MICALL2: variants seen among roughly 807,000 people sequenced by gnomAD.
MICALL2 encodes MICAL-like protein 2.
Under a neutral mutation model 91.1 loss-of-function variants are expected in MICALL2, and 111 were observed. The observed-to-expected ratio is 1.22, with a 90% confidence interval of 1.04 to 1.43. The LOEUF (loss-of-function observed/expected upper bound fraction) is 1.43, where lower values mean the gene tolerates loss of function less well. MICALL2 is among the 40% of genes most tolerant of loss of function. The probability of loss-of-function intolerance (pLI) is 0.00; values close to 1 mark genes in which losing one functional copy is unlikely to be tolerated. For synonymous variants in MICALL2, 694 were observed against 525.3 expected (o/e 1.32, Z -4.39); for missense variants, 1,556 against 1,236.0 (o/e 1.26, Z -3.88).
intron 3 of MICALL2, 35 bp downstream of exon 3, chr7:1,448,585 T>A (rs771866444): frequency 1.2e-6 from 2 of 1,610,764 alleles, no homozygotes; most frequent in Non-Finnish European, 1.7e-6. Context: ...GGGGGCCTGG[T>A]CCTGCCTGGC....
chr7:1,435,230 G>T lies in MICALL2; in HGVS notation c.2592-83C>A, dbSNP rs544079287. On this transcript the variant is annotated intron_variant, in intron 15 of 16. Transcript: ENST00000297508. Reference sequence around the variant, plus strand: ...GGCCTCCGGACAGTCTCCAGCAGTGGCACCCCAGCCCTGAGTCCCGCCTGG... The same window carrying T: ...GGCCTCCGGACAGTCTCCAGCAGTGTCACCCCAGCCCTGAGTCCCGCCTGG... 2.3e-5 allele frequency: 33 copies of T among 1,449,962 alleles called. No homozygotes were observed. The African/African-American group carries it at 4.2e-4, about 18-fold the overall frequency. The allele number at this position is 1,449,962 out of a possible 1,614,324, so 89.8% of individuals were successfully genotyped here. A position where few individuals can be genotyped will look rare whatever the true frequency, so the allele number is the denominator to read the frequency against.
At chr7:1,443,774 G>A (rs569152005) in intron 6 of MICALL2, among the ~76,000 whole-genome samples, 52 of 152,304 alleles carry the variant, frequency 3.4e-4, no homozygotes, top group African/African-American at 9.9e-4. Context: ...AAGGGGACGC[G>A]GCCCTTCCCC....
chr7:1,445,100 C>CAA lies in MICALL2; in HGVS notation c.969_970insTT (p.Glu324LeufsTer18). On this transcript the variant is annotated frameshift_variant, in exon 6 of 17. Coordinates refer to ENST00000297508, the MANE Select transcript of MICALL2 (RefSeq NM_182924.4). LOFTEE classifies it high-confidence loss of function. ...GTGGGAGTGGGGGCCAGGCGGCTCT[C>CAA]AGAGGGCCTGGCTGGGCTCCTCACG... is the stretch of plus-strand genomic sequence containing the variant. 6.4e-7 allele frequency: 1 copy of CAA among 1,553,652 alleles called. No homozygotes were observed. Among genetic ancestry groups the CAA allele is most frequent in the Non-Finnish European group, 8.7e-7 (1 of 1,149,414 alleles).
At chr7:1,455,210 G>A (rs1022823860) in intron 1 of MICALL2, among the ~76,000 whole-genome samples, 3 of 152,160 alleles carry the variant, frequency 2.0e-5, no homozygotes, top group African/African-American at 7.2e-5. Context: ...GACCTGCTTG[G>A]GCCCAGGAAT....
intron 1 of MICALL2, among the ~76,000 whole-genome samples, chr7:1,450,877 CCTT>C (rs1167855873): frequency 6.6e-6 from 1 of 152,326 alleles, no homozygotes; most frequent in South Asian, 2.1e-4. Flanking sequence ...TGAAGGGTGT[CCTT>C]CTCAGCGCTT....
intron 10 of MICALL2, 45 bp from the exon 11 acceptor site, chr7:1,438,398 C>T (rs772597226): frequency 2.6e-6 from 4 of 1,566,206 alleles, no homozygotes; most frequent in East Asian, 4.7e-5. Context: ...GGCCACCAGG[C>T]CCAACGTGAC....
At chr7:1,434,743 C>G (rs1779882714) in intron 16 of MICALL2, 71 bp from the exon 17 acceptor site, 1 of 1,435,768 alleles carries the variant, frequency 7.0e-7, no homozygotes, top group African/African-American at 1.4e-5. Context: ...CACAAGTCCC[C>G]CTGCCAGAAA....
intron 13 of MICALL2, 78 bp from the exon 14 acceptor site, chr7:1,437,686 C>G: frequency 6.9e-7 from 1 of 1,438,864 alleles, no homozygotes. Context: ...GCAACGAGGT[C>G]CTGGACCTGC....
chr7:1,449,772 T>C (rs1780753626), intron 2 of MICALL2, among the ~76,000 whole-genome samples: 1 of 152,196 alleles, frequency 6.6e-6, no homozygotes, highest in Non-Finnish European at 1.5e-5. Flanking sequence ...GCAGGCAAAC[T>C]GAGGCTGCAC....
At chr7:1,435,908 C>T (rs1187278258) in intron 15 of MICALL2, among the ~76,000 whole-genome samples, 4 of 151,460 alleles carry the variant, frequency 2.6e-5, no homozygotes, top group South Asian at 2.1e-4. Flanking sequence ...AAAAATTAGC[C>T]GGGTGTGGTG....
intron 16 of MICALL2, 121 bp downstream of exon 16, chr7:1,434,980 T>TCCCCC: frequency 3.2e-6 from 2 of 628,932 alleles, no homozygotes; most frequent in South Asian, 1.7e-5. Flanking sequence ...GGGGACCCGA[T>TCCCCC]ACCCGCCCCC....
At chr7:1,455,517 T>C (rs1352275759) in intron 1 of MICALL2, among the ~76,000 whole-genome samples, 5 of 152,052 alleles carry the variant, frequency 3.3e-5, no homozygotes. Flanking sequence ...TCCTGTTTCC[T>C]GGCCGTAAAG....
At position 1,445,098 on chromosome 7, in the gene MICALL2, C is replaced by A; in HGVS notation, c.972G>T (p.Glu324Asp). 1 of 1,553,262 alleles carries A rather than the reference C, an allele frequency of 6.4e-7. No homozygotes were observed. The highest frequency in any genetic ancestry group is 8.7e-7 in the Non-Finnish European group (1 of 1,149,228). Residue 324 changes from glutamate (E) to aspartate (D), a missense_variant, in exon 6 of 17, where the codon GAG becomes GAT. Transcript: ENST00000297508. The part of the protein sequence containing the change: ...VHVRSPARPS[E>D]SRLAPTPTEG... The stretch of plus-strand genomic sequence containing the variant: ...CCGTGGGAGTGGGGGCCAGGCGGCT[C>A]TCAGAGGGCCTGGCTGGGCTCCTCA...
intron 9 of MICALL2, 139 bp downstream of exon 9, chr7:1,439,786 C>T: frequency 1.6e-6 from 1 of 632,936 alleles, no homozygotes; most frequent in Admixed American, 4.2e-5. Context: ...CTGCCCAGGA[C>T]TACCAGCTTC....
In MICALL2 at chr7:1,444,953, G is replaced by C; in HGVS notation, c.1117C>G (p.Pro373Ala). 6.6e-7 allele frequency: 1 copy of C among 1,510,994 alleles called. No individual in the cohort carries two copies. The highest frequency in any genetic ancestry group is 1.3e-5 in the South Asian group (1 of 78,526). 93.6% of individuals were successfully genotyped at this position (1,510,994 alleles called of 1,614,324 possible). ...AVPPSAPDPR[P>A]ATPQGGGAPR... is the part of the protein sequence containing the mutation. ...GCTCCCCCACCCTGGGGTGTGGCCG[G>C]GCGAGGGTCTGGGGCACTCGGGGGC... Residue 373 changes from proline (P) to alanine (A), a missense_variant, in exon 6 of 17, where the codon CCG (proline) becomes GCG (alanine). Transcript: ENST00000297508.
At chr7:1,453,822 A>C (rs1370458505) in intron 1 of MICALL2, among the ~76,000 whole-genome samples, 1 of 152,224 alleles carries the variant, frequency 6.6e-6, no homozygotes, top group African/African-American at 2.4e-5. Flanking sequence ...CCAGGCACAC[A>C]GTCGGTGCCC....
rs961298198 is a variant in MICALL2 at position 1,445,377 on chromosome 7, T to A, written c.693A>T (p.Gly231=). The change falls in exon 6 of 17, where the codon GGA becomes GGT. Residue 231 remains glycine, a synonymous_variant. Coordinates refer to ENST00000297508, the MANE Select transcript of MICALL2 (RefSeq NM_182924.4). The part of the protein sequence containing the change: ...TLHSGAYKAT[G]EPGTFVCTSH... ...TGGTGCAGACGAAGGTGCCCGGCTC[T>A]CCTGTGGCCTTGTAGGCCCCCGAGT... The A allele has an allele frequency of 3.2e-6, 5 of 1,583,506 alleles. No homozygotes were observed. The Admixed American group carries it at 7.0e-5, about 22-fold the overall frequency.
At chr7:1,444,467 C>T (rs1780465304) in intron 6 of MICALL2, among the ~76,000 whole-genome samples, 185 bp downstream of exon 6, 1 of 152,244 alleles carries the variant, frequency 6.6e-6, no homozygotes, top group African/African-American at 2.4e-5. Flanking sequence ...CCACCCTGAC[C>T]ACAGGCACTG....
At position 1,438,115 on chromosome 7, in the gene MICALL2, G is replaced by A. The variant is rs1163669156; in HGVS notation, c.2293C>T (p.Leu765=). 3 of 1,564,302 alleles carry A rather than the reference G, an allele frequency of 1.9e-6. No homozygotes were observed. Among genetic ancestry groups the A allele is most frequent in the Middle Eastern group, 1.8e-4 (1 of 5,582 alleles). ...ELRGVELEKR[L]RAAEGDDAED... ...CGCTCACCTCCCTCGGCCGCCCGCA[G>A]TCGCTTCTCCAGCTCCACGCCGCGG... Residue 765 remains leucine (L), a synonymous_variant, in exon 12 of 17, where the codon CTG becomes TTG. Transcript: ENST00000297508.
Sources: allele counts gnomAD v4.1 joint callset (sites outside exome capture counted in the v4.1 genomes callset), GRCh38; gene constraint gnomAD v4.1.1; transcripts MANE v1.5; gene names NCBI Gene and HGNC (gene_info 2026-07-23, HGNC 2026-07-21).